USP53: variants seen among roughly 807,000 people sequenced by gnomAD.
USP53 encodes ubiquitin carboxyl-terminal hydrolase 53.
USP53 carries 71 observed loss-of-function variants against 94.9 expected under a neutral mutation model. That is an observed-to-expected ratio of 0.75 (90% CI 0.62 to 0.91). The LOEUF is 0.91. Among genes scored for constraint, USP53 ranks in the 40% least tolerant of loss-of-function variants. USP53 has a pLI of 0.00. For synonymous variants in USP53, 375 were observed against 422.7 expected, an observed-to-expected ratio of 0.89 and a Z score of 1.39; for missense variants, 1,173 against 1,281.0, an observed-to-expected ratio of 0.92 and a Z score of 1.29.
intron 17 of USP53, among the ~76,000 whole-genome samples, chr4:119,282,687 G>C (rs1753638901): frequency 6.6e-6 from 1 of 151,674 alleles, no homozygotes; most frequent in Non-Finnish European, 1.5e-5. Flanking sequence ...CCCCAGTCTG[G>C]GACTGAGAAT....
At chr4:119,279,377 G>T (rs1374508221) in intron 17 of USP53, among the ~76,000 whole-genome samples, 3 of 149,930 alleles carry the variant, frequency 2.0e-5, no homozygotes, top group South Asian at 2.1e-4. Flanking sequence ...GTGTCAGTGT[G>T]CCCCTGCTGG....
intron 17 of USP53, among the ~76,000 whole-genome samples, chr4:119,283,494 G>A (rs1753739151): frequency 6.6e-6 from 1 of 151,868 alleles, no homozygotes; most frequent in South Asian, 2.1e-4. Context: ...GTAGTATAGA[G>A]GATAAATTTG....
intron 3 of USP53, chr4:119,220,402 T>C (rs560959317): frequency 2.6e-5 from 4 of 152,314 alleles, no homozygotes; most frequent in Admixed American, 6.5e-5. Flanking sequence ...CTGAAGTACT[T>C]ATTTACATTG....
chr4:119,256,609 A>G (rs530251982), intron 9 of USP53, 86 bp downstream of exon 9: 54 of 1,358,194 alleles, frequency 4.0e-5, no homozygotes, highest in Non-Finnish European at 5.4e-5. Flanking sequence ...ATCATAGCAT[A>G]CATGAATTTC....
chr4:119,232,837 G>T (rs1179615963), intron 3 of USP53, among the ~76,000 whole-genome samples: 1 of 151,908 alleles, frequency 6.6e-6, no homozygotes, highest in Non-Finnish European at 1.5e-5. Context: ...AATGATTTGG[G>T]GTTACTTTCT....
intron 14 of USP53, among the ~76,000 whole-genome samples, chr4:119,268,757 G>A (rs1176980436): frequency 6.6e-6 from 1 of 152,208 alleles, no homozygotes; most frequent in South Asian, 2.1e-4. Context: ...TGGCATAAAT[G>A]CCAAAATTAA....
chr4:119,228,904 TATAAA>T (rs1159778383), intron 3 of USP53, among the ~76,000 whole-genome samples: 3 of 152,140 alleles, frequency 2.0e-5, no homozygotes, highest in Non-Finnish European at 2.9e-5. Flanking sequence ...GAAAAAGTAA[TATAAA>T]ATAGAAGGAA....
intron 17 of USP53, 75 bp downstream of exon 17, chr4:119,273,783 C>G: frequency 8.1e-7 from 1 of 1,241,222 alleles, no homozygotes; most frequent in East Asian, 2.6e-5. Flanking sequence ...TATTATGTAT[C>G]TGAGAGAAAA....
chr4:119,223,736 G>C (rs1305277722), intron 3 of USP53, among the ~76,000 whole-genome samples: 1 of 152,156 alleles, frequency 6.6e-6, no homozygotes, highest in Non-Finnish European at 1.5e-5. Flanking sequence ...AAGTAAAAGT[G>C]TTAAATTGGC....
At chr4:119,249,565 T>G (rs1051869280) in intron 7 of USP53, among the ~76,000 whole-genome samples, 4 of 152,124 alleles carry the variant, frequency 2.6e-5, no homozygotes, top group Non-Finnish European at 5.9e-5. Context: ...TTCAGAAGTT[T>G]TTTCTTTCCG....
At chr4:119,231,045 AAAGAGGTGG>A (rs1746002929) in intron 3 of USP53, among the ~76,000 whole-genome samples, 1 of 152,174 alleles carries the variant, frequency 6.6e-6, no homozygotes, top group Non-Finnish European at 1.5e-5. Flanking sequence ...GACCACCTAT[AAAGAGGTGG>A]TAACTAGGAA....
At position 119,256,472 on chromosome 4, in the gene USP53, A is replaced by T; in HGVS notation, c.518A>T (p.Asp173Val). Residue 173 changes from aspartate (D) to valine (V), a missense_variant, in exon 9 of 19, where the codon GAT (aspartate) becomes GTT (valine). Coordinates refer to ENST00000692078, the MANE Select transcript of USP53 (RefSeq NM_001371395.1). ...CVCRSCGASS[D>V]PLPFTEFVRY... ...TGTCGTAGCTGTGGAGCATCGTCAGATCCTCTACCTTTTACAGAATTTGTG... is the reference window on the plus strand; with the variant it reads ...TGTCGTAGCTGTGGAGCATCGTCAGTTCCTCTACCTTTTACAGAATTTGTG... The T allele has an allele frequency of 6.2e-7, 1 of 1,614,108 alleles. No homozygotes were observed. The highest frequency in any genetic ancestry group is 8.5e-7 in the Non-Finnish European group (1 of 1,180,006).
intron 17 of USP53, among the ~76,000 whole-genome samples, chr4:119,282,977 G>GCAAA (rs1753679857): frequency 6.6e-6 from 1 of 151,890 alleles, no homozygotes; most frequent in South Asian, 2.1e-4. Context: ...GTCTATGCAA[G>GCAAA]TATATTTAAT....
At chr4:119,227,602 G>A (rs771001462) in intron 3 of USP53, among the ~76,000 whole-genome samples, 9 of 152,228 alleles carry the variant, frequency 5.9e-5, no homozygotes, top group Non-Finnish European at 1.3e-4. Context: ...CTGCACTCCA[G>A]CTTGGGAGAC....
At chr4:119,243,252 C>T (rs771870030) in intron 5 of USP53, among the ~76,000 whole-genome samples, 1 of 152,134 alleles carries the variant, frequency 6.6e-6, no homozygotes, top group Non-Finnish European at 1.5e-5. Context: ...AATCCTAGCA[C>T]TTTGGGAGGC....
rs6833072 is a variant in USP53, at chr4:119,212,737, T to C, written c.-1078T>C. On this transcript the variant is annotated 5_prime_UTR_variant, in exon 1 of 19. Transcript: ENST00000692078. ...CAGTTCCCGGTGAGCCTCGGTACTG[T>C]GGCAGCAGTCAGTGTGTCTGGCGGG... The C allele has an allele frequency of 0.33, 111,321 of 332,754 alleles. 18,988 individuals carry two copies. Among genetic ancestry groups the C allele is most frequent in the African/African-American group, 0.39 (17,982 of 46,470 alleles). The allele number at this position is 332,754 out of a possible 1,614,324, so 20.6% of individuals were successfully genotyped here.
chr4:119,262,868 C>G (rs1030997861), intron 12 of USP53, among the ~76,000 whole-genome samples: 7 of 152,132 alleles, frequency 4.6e-5, no homozygotes, highest in Non-Finnish European at 8.8e-5. Context: ...TTCCTGGATT[C>G]CTAAAGTTTT....
At position 119,239,929 on chromosome 4, in the gene USP53, T is replaced by TA. The variant is rs201043574; in HGVS notation, c.144+34dup. The TA allele has an allele frequency of 7.6e-4, 1,067 of 1,395,100 alleles. 12 individuals are homozygous for TA. In the African/African-American group the frequency reaches 0.013, roughly 17 times the overall value. The allele number at this position is 1,395,100 out of a possible 1,614,324, so 86.4% of individuals were successfully genotyped here. A position where few individuals can be genotyped will look rare whatever the true frequency, so the allele number is the denominator to read the frequency against. On this transcript the variant is annotated intron_variant, in intron 5 of 18. Coordinates refer to ENST00000692078, the MANE Select transcript of USP53 (RefSeq NM_001371395.1). ...GTGAGACCATAATTACTTATTACAT[T>TA]AAAAAAAATACTTTTCAGAAAATCC...
intron 3 of USP53, among the ~76,000 whole-genome samples, chr4:119,229,626 T>TTACTTCTGAAAGAGTGTCA (rs1446368563): frequency 1.3e-5 from 2 of 152,192 alleles, no homozygotes; most frequent in African/African-American, 4.8e-5. Flanking sequence ...TTTGTGGACT[T>TTACTTCTGAAAGAGTGTCA]TACTTCTGAA....
Sources: gnomAD v4.1 joint callset for allele counts (sites outside exome capture counted in the v4.1 genomes callset) on GRCh38, gnomAD v4.1.1 for gene constraint, MANE v1.5 for transcripts, NCBI Gene and HGNC (gene_info 2026-07-23, HGNC 2026-07-21) for gene names.